The following CD36 variants were observed in gnomAD, a reference collection of about 807,000 sequenced individuals.
CD36 encodes platelet glycoprotein 4.
Under a neutral mutation model 55.2 loss-of-function variants are expected in CD36, and 119 were observed. That is an observed-to-expected ratio of 2.15 (90% CI 1.86 to 2.51). The LOEUF (loss-of-function observed/expected upper bound fraction) is 2.51. Ranked by LOEUF, CD36 falls within the 30% of genes most tolerant of loss-of-function variation. The pLI is 0.00. For synonymous variants in CD36, 186 were observed against 193.6 expected (o/e 0.96, Z 0.33); for missense variants, 819 against 555.5 (o/e 1.47, Z -4.77).
At position 80,656,550 on chromosome 7, in the gene CD36, T is replaced by G; in HGVS notation, c.131T>G (p.Leu44Arg). The G allele has an allele frequency of 6.2e-7, 1 of 1,613,540 alleles. No homozygotes were observed. Among genetic ancestry groups the G allele is most frequent in the Non-Finnish European group, 8.5e-7 (1 of 1,179,662 alleles). Residue 44 changes from leucine to arginine, a missense_variant, in exon 4 of 15, where the codon CTC (leucine) becomes CGC (arginine). Physicochemically the swap from Leu to Arg is moderately radical, Grantham distance 102. Transcript: ENST00000447544. Reference protein sequence around the residue: ...IQKTIKKQVVLEEGTIAFKNW... With the variant: ...IQKTIKKQVVREEGTIAFKNW... ...TTTTCTTTTTCATAGCAAGTTGTCC[T>G]CGAAGAAGGTACAATTGCTTTTAAA...
chr7:80,632,409 G>T (rs924369208), intron 1 of CD36, among the ~76,000 whole-genome samples: 1 of 152,076 alleles, frequency 6.6e-6, no homozygotes, highest in East Asian at 1.9e-4. Context: ...CCTGGAAAAC[G>T]TTTGTGTGTG....
At position 80,672,747 on chromosome 7, in the gene CD36, TTATTTAGTTGTTCTC is replaced by T; in HGVS notation, c.1126-21_1126-7del. The T allele has an allele frequency of 6.5e-7, 1 of 1,529,164 alleles. No homozygotes were observed. The highest frequency in any genetic ancestry group is 9.0e-7 in the Non-Finnish European group (1 of 1,107,360). 94.7% of individuals were successfully genotyped at this position (1,529,164 alleles called of 1,614,324 possible). ...AAATAATGTTTTTAAAAGTTGGTAA[TTATTTAGTTGTTCTC>T]TTTTTAGATAACTGGATTCACTTTA... is the stretch of plus-strand genomic sequence containing the variant. On this transcript the variant is annotated splice_region_variant and splice_polypyrimidine_tract_variant and intron_variant, in intron 11 of 14. Coordinates refer to ENST00000447544, the MANE Select transcript of CD36 (RefSeq NM_001001548.3).
chr7:80,608,077 T>G (rs1792667582), intron 1 of CD36, among the ~76,000 whole-genome samples: 1 of 152,160 alleles, frequency 6.6e-6, no homozygotes, highest in Non-Finnish European at 1.5e-5. Context: ...GTTAATGTGT[T>G]CTGATTCAAG....
At chr7:80,620,019 T>C (rs1264829530) in intron 1 of CD36, among the ~76,000 whole-genome samples, 2 of 152,052 alleles carry the variant, frequency 1.3e-5, no homozygotes, top group African/African-American at 4.8e-5. Context: ...AAAGTGTTTT[T>C]GTTTTTGTTT....
chr7:80,673,435 TA>T, intron 13 of CD36, 26 bp downstream of exon 13: 1 of 1,355,370 alleles, frequency 7.4e-7, no homozygotes. Flanking sequence ...TGTTAGTCAT[TA>T]AAAACAACCT....
chr7:80,646,789 G>A lies in CD36; in HGVS notation c.49G>A (p.Ala17Thr), dbSNP rs774751760. Residue 17 changes from alanine to threonine, a missense_variant, in exon 3 of 15, where the codon GCT (alanine) becomes ACT (threonine). Coordinates refer to ENST00000447544, the MANE Select transcript of CD36 (RefSeq NM_001001548.3). ...GCTCATCGCTGGGGCTGTCATTGGT[G>A]CTGTCCTGGCTGTGTTTGGAGGTAT... ...CGLIAGAVIG[A>T]VLAVFGGILM... 31 of 1,613,894 alleles carry A rather than the reference G, an allele frequency of 1.9e-5. 1 individual carries two copies. In the South Asian group the frequency reaches 3.1e-4, roughly 16 times the overall value.
intron 1 of CD36, among the ~76,000 whole-genome samples, chr7:80,644,364 G>A (rs1468402957): frequency 6.6e-6 from 1 of 152,108 alleles, no homozygotes. Context: ...GGAGAAAAAT[G>A]ACACTAAAGA....
chr7:80,608,969 T>G (rs554760309), intron 1 of CD36, among the ~76,000 whole-genome samples: 1 of 151,600 alleles, frequency 6.6e-6, no homozygotes, highest in South Asian at 2.1e-4. Context: ...CTTTCTAGAT[T>G]ATTTTGATAG....
intron 1 of CD36, chr7:80,624,927 A>G (rs1032890626): frequency 3.3e-5 from 5 of 152,148 alleles, no homozygotes; most frequent in African/African-American, 1.2e-4. Context: ...TTTGATGTTC[A>G]ATAGTGACAA....
intron 5 of CD36, 112 bp from the exon 6 acceptor site, chr7:80,662,878 A>T: frequency 1.2e-6 from 1 of 853,302 alleles, no homozygotes; most frequent in Non-Finnish European, 1.9e-6. Flanking sequence ...CAGTAATTTT[A>T]AAGATAAGCT....
At chr7:80,661,970 C>T (rs1215712425) in intron 5 of CD36, among the ~76,000 whole-genome samples, 1 of 152,178 alleles carries the variant, frequency 6.6e-6, no homozygotes, top group Non-Finnish European at 1.5e-5. Flanking sequence ...TGGTGCTCAC[C>T]ATTCACAACA....
intron 12 of CD36, 156 bp downstream of exon 12, chr7:80,672,999 C>T (rs1797865430): frequency 4.7e-6 from 3 of 643,196 alleles, no homozygotes; most frequent in East Asian, 5.6e-5. Context: ...ATGCTTATGA[C>T]TAATTTCACA....
chr7:80,640,339 G>C (rs575800449), intron 1 of CD36, among the ~76,000 whole-genome samples: 1 of 151,550 alleles, frequency 6.6e-6, no homozygotes, highest in South Asian at 2.1e-4. Flanking sequence ...TAAAACACTT[G>C]GCCAATATGA....
chr7:80,672,809 G>T lies in CD36; in HGVS notation c.1165G>T (p.Val389Phe). The T allele has an allele frequency of 2.5e-6, 4 of 1,611,068 alleles. No homozygotes were observed. In the South Asian group the frequency reaches 4.4e-5, roughly 18 times the overall value. ...TTTACAATTTGCAAAACGGCTGCAG[G>T]TCAACCTATTGGTCAAGCCATCAGA... ...FTLQFAKRLQVNLLVKPSEKI... is the reference protein window; with the variant it reads ...FTLQFAKRLQFNLLVKPSEKI... Residue 389 changes from valine (V) to phenylalanine (F), a missense_variant, in exon 12 of 15, where the codon GTC becomes TTC. By Grantham distance (50) the Val-to-Phe change is conservative (BLOSUM62 -1). Coordinates refer to ENST00000447544, the MANE Select transcript of CD36 (RefSeq NM_001001548.3).
chr7:80,668,085 T>C (rs146389276), intron 8 of CD36, among the ~76,000 whole-genome samples: 1 of 152,218 alleles, frequency 6.6e-6, no homozygotes, highest in African/African-American at 2.4e-5. Flanking sequence ...AGTGGGCAAA[T>C]AAGCTATTTT....
chr7:80,640,680 A>G (rs1459128101), intron 1 of CD36, among the ~76,000 whole-genome samples: 5 of 152,052 alleles, frequency 3.3e-5, no homozygotes, highest in African/African-American at 1.2e-4. Context: ...GGGTCTAGAT[A>G]ATACTCTTTA....
intron 1 of CD36, among the ~76,000 whole-genome samples, chr7:80,628,625 A>G (rs1007460228): frequency 6.6e-6 from 1 of 152,062 alleles, no homozygotes; most frequent in Non-Finnish European, 1.5e-5. Context: ...CCTGTGATCT[A>G]ATGCCTATGT....
At chr7:80,643,432 C>A (rs1794948011) in intron 1 of CD36, among the ~76,000 whole-genome samples, 1 of 151,980 alleles carries the variant, frequency 6.6e-6, no homozygotes, top group South Asian at 2.1e-4. Flanking sequence ...ATAACTTAAT[C>A]CTTGAGTTAT....
chr7:80,654,307 A>G (rs1030869183), intron 3 of CD36, among the ~76,000 whole-genome samples: 1 of 152,150 alleles, frequency 6.6e-6, no homozygotes, highest in Non-Finnish European at 1.5e-5. Context: ...AGGTCGGTAC[A>G]AAAGTAATTG....
Sources: allele counts gnomAD v4.1 joint callset (sites outside exome capture counted in the v4.1 genomes callset), GRCh38; gene constraint gnomAD v4.1.1; transcripts MANE v1.5; gene names NCBI Gene and HGNC (gene_info 2026-07-23, HGNC 2026-07-21).